OGG1: variants seen among roughly 807,000 people sequenced by gnomAD.
The protein encoded by OGG1 is 8-oxoguanine DNA glycosylase.
OGG1 carries 35 observed loss-of-function variants against 42.3 expected under a neutral mutation model. That is an observed-to-expected ratio of 0.83 (90% CI 0.63 to 1.10). The LOEUF (loss-of-function observed/expected upper bound fraction) is 1.10. Among genes scored for constraint, OGG1 ranks in the 50% least tolerant of loss-of-function variants. The probability of loss-of-function intolerance (pLI) is 0.00; values close to 1 mark genes in which losing one functional copy is unlikely to be tolerated. For missense variants in OGG1, 484 were observed against 446.7 expected (o/e 1.08, Z -0.75); for synonymous variants, 189 against 179.0 (o/e 1.06, Z -0.44).
downstream of OGG1, chr3:9,761,954 G>C (rs937082797): frequency 2.6e-5 from 18 of 691,264 alleles, no homozygotes; most frequent in South Asian, 5.9e-5. Context: ...GAGGGTGTGG[G>C]GGGGAACTGT....
rs755098953 is a variant in OGG1, at chr3:9,785,414, A to T, written c.383-2314A>T. 7 of 1,612,574 alleles carry T rather than the reference A, an allele frequency of 4.3e-6. No homozygotes were observed. The East Asian group carries it at 1.3e-4, about 31-fold the overall frequency. On this transcript the variant is annotated intron_variant, in intron 3 of 3. Transcript: ENST00000426518. Reference sequence around the variant, plus strand: ...GAATAGGAGAATCCTCCATAGGGGAAATAATATTTTCCTAGAAGACCACAA... The same window carrying T: ...GAATAGGAGAATCCTCCATAGGGGATATAATATTTTCCTAGAAGACCACAA...
chr3:9,751,687 T>C (rs1029123019), intron 2 of OGG1, 83 bp from the exon 3 acceptor site: 19 of 1,305,176 alleles, frequency 1.5e-5, no homozygotes, highest in African/African-American at 4.3e-5. Flanking sequence ...GGAGTTTTGG[T>C]ACCTAGGATC....
At position 9,751,785 on chromosome 3, in the gene OGG1, G is replaced by T. The variant is rs371071998; in HGVS notation, c.401G>T (p.Arg134Leu). Reference sequence around the variant, plus strand: ...TGGTCTCCAGGTGTGCGACTGCTGCGACAAGACCCCATCGAATGCCTTTTC... The same window carrying T: ...TGGTCTCCAGGTGTGCGACTGCTGCTACAAGACCCCATCGAATGCCTTTTC... ...AQKFQGVRLL[R>L]QDPIECLFSF... Residue 134 changes from arginine (R) to leucine (L), a missense_variant, in exon 3 of 7, where the codon CGA becomes CTA. By Grantham distance (102) the Arg-to-Leu change is moderately radical. Coordinates refer to ENST00000344629, the MANE Select transcript of OGG1 (RefSeq NM_002542.6). The T allele has an allele frequency of 3.1e-6, 5 of 1,614,040 alleles. No individual in the cohort carries two copies. Among genetic ancestry groups the T allele is most frequent in the Non-Finnish European group, 4.2e-6 (5 of 1,180,042 alleles).
Position 9,776,388 on chromosome 3 carries a change from C to CTT in OGG1, c.295-5107_295-5106dup, listed in dbSNP as rs57504240. ...AGTCTTCTTTTTTCTTTTTTCTTTT[C>CTT]TTTTTTTTTTTTTTTTTTTGAGATG... On this transcript the variant is annotated intron_variant, in intron 2 of 3. Coordinates refer to the OGG1 transcript ENST00000426518. 1.7e-3 allele frequency among the ~76,000 whole-genome samples: 204 copies of CTT among 121,120 alleles called. 1 individual carries two copies. The highest frequency in any genetic ancestry group is 2.7e-3 in the Non-Finnish European group (161 of 59,288). The allele number at this position is 121,120 out of a possible 152,430, so 79.5% of individuals were successfully genotyped here. A position where few individuals can be genotyped will look rare whatever the true frequency, so the allele number is the denominator to read the frequency against.
chr3:9,775,000 A>G (rs2078347079), intron 2 of OGG1, among the ~76,000 whole-genome samples: 1 of 149,450 alleles, frequency 6.7e-6, no homozygotes, highest in African/African-American at 2.5e-5. Context: ...CTATAATCCC[A>G]GCACTTTGGG....
At chr3:9,757,519 A>C, downstream of OGG1, 1 of 1,609,080 alleles carries the variant, frequency 6.2e-7, no homozygotes, top group Non-Finnish European at 8.5e-7. This position sits in a 1 kb window ranked among gnomAD's most constrained non-coding sequence, Gnocchi z 4.5. Context: ...GCAGAGGATC[A>C]TGACCCGAGG....
At position 9,754,804 on chromosome 3, in the gene OGG1, A is replaced by G; in HGVS notation, c.666A>G (p.Leu222=). 1.9e-6 allele frequency: 3 copies of G among 1,613,568 alleles called. No homozygotes were observed. Among genetic ancestry groups the G allele is most frequent in the Non-Finnish European group, 2.5e-6 (3 of 1,179,792 alleles). ...ARAILEEQGG[L]AWLQQLRESS... ...CCATCCTGGAAGAACAGGGCGGGCT[A>G]GCCTGGCTGCAGCAGCTACGAGAGT... is the stretch of plus-strand genomic sequence containing the variant. The change falls in exon 4 of 7, where the codon CTA becomes CTG. Residue 222 remains leucine, a synonymous_variant. Coordinates refer to ENST00000344629, the MANE Select transcript of OGG1 (RefSeq NM_002542.6).
At chr3:9,759,843 C>T (rs1381660236), downstream of OGG1, 3 of 1,606,072 alleles carry the variant, frequency 1.9e-6, no homozygotes, top group South Asian at 1.1e-5. Context: ...TCTGGCCTGG[C>T]ATCAAGACAA....
downstream of OGG1, chr3:9,789,991 G>T (rs886753968): frequency 6.4e-6 from 10 of 1,556,986 alleles, no homozygotes; most frequent in Non-Finnish European, 8.7e-6. Context: ...TGTCACTGAG[G>T]GGGAGAAGGG....
At chr3:9,785,391 A>G in intron 3 of OGG1, 1 of 1,614,098 alleles carries the variant, frequency 6.2e-7, no homozygotes, top group Non-Finnish European at 8.5e-7. Context: ...CATGTCAGGA[A>G]TAGGAGAATC....
rs1559690909 is a variant in OGG1 at position 9,757,376 on chromosome 3, G to T, written c.*226G>T. ...TTTATCTTCCCTTTATTACAAGAAG[G>T]AACAATAAAATAGAAACATTTGTAT... On this transcript the variant is annotated 3_prime_UTR_variant, in exon 7 of 7. Coordinates refer to ENST00000344629, the MANE Select transcript of OGG1 (RefSeq NM_002542.6). The surrounding 1 kb of genome is among the most constrained non-coding windows in gnomAD (Gnocchi z 4.5). The T allele has an allele frequency of 6.2e-7, 1 of 1,613,430 alleles. No homozygotes were observed.
At chr3:9,772,923 GC>G (rs2078319480) in intron 2 of OGG1, among the ~76,000 whole-genome samples, 1 of 152,078 alleles carries the variant, frequency 6.6e-6, no homozygotes, top group Non-Finnish European at 1.5e-5. Flanking sequence ...TCCTTCTGCA[GC>G]CCCCAGTCCC....
At chr3:9,763,312 G>T in intron 7 of OGG1, 1 of 1,472,516 alleles carries the variant, frequency 6.8e-7, no homozygotes, top group Non-Finnish European at 9.3e-7. Flanking sequence ...AGGATCACTT[G>T]GCCCCAGCAG....
chr3:9,782,580 G>C (rs1458908227), intron 3 of OGG1, among the ~76,000 whole-genome samples: 2 of 152,202 alleles, frequency 1.3e-5, no homozygotes, highest in Admixed American at 6.5e-5. Flanking sequence ...CAAGTCCCTT[G>C]CTCTGCCTCT....
downstream of OGG1, among the ~76,000 whole-genome samples, chr3:9,768,495 G>A (rs772747380): frequency 9.2e-5 from 14 of 152,180 alleles, no homozygotes; most frequent in Non-Finnish European, 1.8e-4. Context: ...GAGGGTGGGA[G>A]TTCTCTCCCA....
intron 7 of OGG1, chr3:9,763,081 A>G (rs753131936): frequency 5.5e-5 from 88 of 1,613,940 alleles, no homozygotes; most frequent in Non-Finnish European, 6.8e-5. Context: ...CAGTCTGGCA[A>G]AGAGGGTTGG....
intron 3 of OGG1, among the ~76,000 whole-genome samples, chr3:9,786,598 G>A (rs1028171350): frequency 2.6e-5 from 4 of 152,144 alleles, no homozygotes; most frequent in Admixed American, 1.3e-4. Context: ...GTAACACAGC[G>A]TTAACCACTG....
chr3:9,764,240 G>C (rs1435591377), intron 7 of OGG1, among the ~76,000 whole-genome samples: 2 of 152,210 alleles, frequency 1.3e-5, no homozygotes. Context: ...AAGGTGCTTG[G>C]CACAGTGCCT....
At chr3:9,759,809 C>T (rs1211220095), downstream of OGG1, 1 of 1,613,496 alleles carries the variant, frequency 6.2e-7, no homozygotes, top group Non-Finnish European at 8.5e-7. Context: ...GTGTACTCCC[C>T]AAGAGCATAC....
Sources: allele counts gnomAD v4.1 joint callset (sites outside exome capture counted in the v4.1 genomes callset), GRCh38; gene constraint gnomAD v4.1.1; non-coding constraint Gnocchi (gnomAD v3.1); transcripts MANE v1.5; gene names NCBI Gene and HGNC (gene_info 2026-07-23, HGNC 2026-07-21).